The following STRBP variants were observed in gnomAD, a reference collection of about 807,000 sequenced individuals.
The protein encoded by STRBP is spermatid perinuclear RNA-binding protein.
Under a neutral mutation model 80.1 loss-of-function variants are expected in STRBP, and 13 were observed. The ratio of observed to expected loss-of-function variants is 0.16; its 90% CI spans 0.11 to 0.26. The LOEUF (loss-of-function observed/expected upper bound fraction) is 0.26, where lower values mean the gene tolerates loss of function less well. Among genes scored for constraint, STRBP ranks in the 10% least tolerant of loss-of-function variants. STRBP has a pLI of 1.00. For synonymous variants in STRBP, 284 were observed against 291.2 expected (o/e 0.98, Z 0.25); for missense variants, 485 against 815.2 (o/e 0.59, Z 4.93).
intron 2 of STRBP, among the ~76,000 whole-genome samples, chr9:123,203,379 G>C (rs946877557): frequency 2.0e-5 from 3 of 151,510 alleles, no homozygotes; most frequent in African/African-American, 7.3e-5. Context: ...TCTAAATTAC[G>C]TAACAGCATT....
At chr9:123,155,771 T>C (rs150334553) in intron 11 of STRBP, among the ~76,000 whole-genome samples, 99 of 150,876 alleles carry the variant, frequency 6.6e-4, no homozygotes, top group African/African-American at 2.4e-3. Context: ...GGATAAAATA[T>C]TTGTGAGAGA....
chr9:123,201,857 C>T (rs570504879), intron 2 of STRBP, among the ~76,000 whole-genome samples: 73 of 152,304 alleles, frequency 4.8e-4, no homozygotes, highest in African/African-American at 1.6e-3. Context: ...AAATCTACCA[C>T]TGCTATTGTT....
intron 2 of STRBP, among the ~76,000 whole-genome samples, chr9:123,195,544 T>C (rs1025951936): frequency 6.6e-6 from 1 of 152,182 alleles, no homozygotes; most frequent in African/African-American, 2.4e-5. Context: ...AGCATTTCTA[T>C]ATGCCAACAG....
chr9:123,186,278 G>A (rs1380402979), intron 2 of STRBP, among the ~76,000 whole-genome samples: 1 of 152,160 alleles, frequency 6.6e-6, no homozygotes, highest in Non-Finnish European at 1.5e-5. Flanking sequence ...AGCCCAGTAG[G>A]GTGGGGCTGC....
chr9:123,264,886 A>ATT (rs953947093), intron 1 of STRBP, among the ~76,000 whole-genome samples: 6 of 152,180 alleles, frequency 3.9e-5, no homozygotes, highest in Admixed American at 3.9e-4. Context: ...AATGAACACA[A>ATT]TGGACTTAAG....
chr9:123,230,791 AAAC>A (rs2040375119), intron 2 of STRBP, among the ~76,000 whole-genome samples: 1 of 152,240 alleles, frequency 6.6e-6, no homozygotes, highest in Non-Finnish European at 1.5e-5. Context: ...TGCTTTAACT[AAAC>A]AGCTTGTGTC....
intron 2 of STRBP, among the ~76,000 whole-genome samples, chr9:123,184,927 T>TGTCC (rs1370383167): frequency 2.0e-5 from 3 of 152,198 alleles, no homozygotes; most frequent in Non-Finnish European, 2.9e-5. Flanking sequence ...TACCCCTGGA[T>TGTCC]GTCCCTCACC....
chr9:123,255,715 G>C (rs1484250773), intron 1 of STRBP, among the ~76,000 whole-genome samples: 2 of 152,232 alleles, frequency 1.3e-5, no homozygotes, highest in African/African-American at 4.8e-5. Context: ...CTCTTTCTGG[G>C]AGTTAGCTAT....
chr9:123,225,006 A>C (rs2040190293), intron 2 of STRBP, among the ~76,000 whole-genome samples: 1 of 152,264 alleles, frequency 6.6e-6, no homozygotes, highest in Non-Finnish European at 1.5e-5. Flanking sequence ...TCACACAATG[A>C]AACAATATGA....
At chr9:123,149,621 C>T (rs1471379444) in intron 11 of STRBP, among the ~76,000 whole-genome samples, 1 of 152,114 alleles carries the variant, frequency 6.6e-6, no homozygotes, top group East Asian at 1.9e-4. Context: ...TCTTGCTTTA[C>T]AAAAAGCAGG....
chr9:123,195,338 A>G (rs2039055246), intron 2 of STRBP, among the ~76,000 whole-genome samples: 3 of 152,176 alleles, frequency 2.0e-5, no homozygotes, highest in Admixed American at 2.0e-4. Flanking sequence ...GACTATTGGG[A>G]AGTCCTAGCT....
At position 123,132,957 on chromosome 9, in the gene STRBP, A is replaced by G. The variant is rs1287414343; in HGVS notation, c.1785T>C (p.Val595=). 6.2e-7 allele frequency: 1 copy of G among 1,613,556 alleles called. No homozygotes were observed. The highest frequency in any genetic ancestry group is 8.5e-7 in the Non-Finnish European group (1 of 1,179,802). ...CTGCTGCAGACACAGCTGTATTCACAACGCCCTTTGCCTGTTAAAATAACA... is the reference window on the plus strand; with the variant it reads ...CTGCTGCAGACACAGCTGTATTCACGACGCCCTTTGCCTGTTAAAATAACA... ...KKKIIPQAKG[V]VNTAVSAAVQ... Residue 595 remains valine, a synonymous_variant, in exon 17 of 19, where the codon GTT becomes GTC. Coordinates refer to ENST00000348403, the MANE Select transcript of STRBP (RefSeq NM_018387.5).
chr9:123,234,649 T>A (rs1055377301), intron 2 of STRBP, among the ~76,000 whole-genome samples: 5 of 152,158 alleles, frequency 3.3e-5, no homozygotes, highest in Non-Finnish European at 5.9e-5. Flanking sequence ...AAGTGCCTAG[T>A]CTCAGCATAA....
At chr9:123,213,103 T>C (rs901624285) in intron 2 of STRBP, among the ~76,000 whole-genome samples, 18 of 152,308 alleles carry the variant, frequency 1.2e-4, no homozygotes, top group Admixed American at 1.2e-3. Flanking sequence ...CACCCACCTA[T>C]GTGCTCCCAA....
At chr9:123,218,515 G>A (rs1355599769) in intron 2 of STRBP, among the ~76,000 whole-genome samples, 6 of 150,956 alleles carry the variant, frequency 4.0e-5, no homozygotes, top group African/African-American at 9.7e-5. Context: ...GACTACAGGC[G>A]CCCGCCACCG....
At chr9:123,119,529 T>TG (rs1382248411), downstream of STRBP, among the ~76,000 whole-genome samples, 1 of 152,046 alleles carries the variant, frequency 6.6e-6, no homozygotes. Flanking sequence ...ACCAGGTCTT[T>TG]GGGGTGTGTT....
chr9:123,251,776 A>G (rs2040922785), intron 1 of STRBP, among the ~76,000 whole-genome samples: 2 of 152,256 alleles, frequency 1.3e-5, no homozygotes, highest in Non-Finnish European at 2.9e-5. Context: ...TTATTAGGCT[A>G]AGATATAGCT....
At chr9:123,209,867 A>G (rs943699672) in intron 2 of STRBP, among the ~76,000 whole-genome samples, 3 of 152,246 alleles carry the variant, frequency 2.0e-5, no homozygotes, top group African/African-American at 7.2e-5. Flanking sequence ...ATACACACAC[A>G]CACAAATTTA....
chr9:123,197,804 A>T (rs1331306944), intron 2 of STRBP, among the ~76,000 whole-genome samples: 1 of 148,758 alleles, frequency 6.7e-6, no homozygotes, highest in Admixed American at 6.9e-5. Flanking sequence ...CTTCCCGAGT[A>T]GCTGGGATTA....
Sources: allele counts gnomAD v4.1 joint callset (sites outside exome capture counted in the v4.1 genomes callset), GRCh38; gene constraint gnomAD v4.1.1; transcripts MANE v1.5; gene names NCBI Gene and HGNC (gene_info 2026-07-23, HGNC 2026-07-21).